CUX1: variants seen among roughly 807,000 people sequenced by gnomAD.
CUX1 encodes cut like homeobox 1.
A neutral mutation model predicts 158.8 loss-of-function variants in CUX1; 31 were observed. The ratio of observed to expected loss-of-function variants is 0.20; its 90% CI spans 0.15 to 0.26. CUX1 has a LOEUF of 0.26. Ranked by LOEUF, CUX1 falls within the 10% of genes least tolerant of loss-of-function variation. The pLI is 1.00. For missense variants in CUX1, 1,589 were observed against 2,014.6 expected (o/e 0.79, Z 4.04); for synonymous variants, 879 against 862.1 (o/e 1.02, Z -0.34).
chr7:101,972,080 C>T (rs1189453395), intron 2 of CUX1, among the ~76,000 whole-genome samples: 3 of 152,212 alleles, frequency 2.0e-5, no homozygotes, highest in East Asian at 3.8e-4. Flanking sequence ...CATTCTCCTG[C>T]CTCAGCCTCC....
chr7:102,105,391 C>T (rs949227749), intron 6 of CUX1, among the ~76,000 whole-genome samples: 6 of 151,410 alleles, frequency 4.0e-5, no homozygotes, highest in South Asian at 2.1e-4. Flanking sequence ...TTACCAAAAA[C>T]GTTTCCCACA....
chr7:102,192,204 C>A (rs1223831913), intron 12 of CUX1, among the ~76,000 whole-genome samples: 1 of 152,216 alleles, frequency 6.6e-6, no homozygotes, highest in Admixed American at 6.5e-5. Context: ...GATCCTCATG[C>A]ACTGCAGCAC....
At chr7:102,042,586 A>G (rs973100131) in intron 3 of CUX1, among the ~76,000 whole-genome samples, 1 of 152,052 alleles carries the variant, frequency 6.6e-6, no homozygotes, top group Non-Finnish European at 1.5e-5. Flanking sequence ...AGGCTCTGTT[A>G]TTGTTAAGAC....
At chr7:102,054,679 C>A (rs1283995220) in intron 3 of CUX1, among the ~76,000 whole-genome samples, 1 of 152,056 alleles carries the variant, frequency 6.6e-6, no homozygotes, top group Non-Finnish European at 1.5e-5. Context: ...GCAAAGAAGC[C>A]AGCTGGGTCT....
intron 2 of CUX1, among the ~76,000 whole-genome samples, chr7:101,928,125 A>G (rs1805831794): frequency 4.6e-5 from 7 of 152,156 alleles, no homozygotes; most frequent in Admixed American, 2.6e-4. Context: ...CTGTCATTAG[A>G]TTCATGTGCC....
intron 8 of CUX1, among the ~76,000 whole-genome samples, chr7:102,149,499 C>A (rs550748626): frequency 6.6e-6 from 1 of 151,456 alleles, no homozygotes; most frequent in East Asian, 1.9e-4. Flanking sequence ...AGCGCCACTA[C>A]GCCATTGCCC....
intron 4 of CUX1, among the ~76,000 whole-genome samples, chr7:102,076,454 G>A (rs1826741269): frequency 1.3e-5 from 2 of 152,066 alleles, no homozygotes; most frequent in South Asian, 2.1e-4. Context: ...GAACCCTCAT[G>A]GTCCTCATGT....
chr7:102,179,681 T>G (rs1792809534), intron 11 of CUX1, among the ~76,000 whole-genome samples: 1 of 152,196 alleles, frequency 6.6e-6, no homozygotes. Context: ...TTGAAGCAAG[T>G]GTAATTTGAA....
At chr7:101,855,680 C>T (rs1011882343) in intron 1 of CUX1, among the ~76,000 whole-genome samples, 1 of 150,486 alleles carries the variant, frequency 6.6e-6, no homozygotes, top group African/African-American at 2.4e-5. Flanking sequence ...GAATTCCAGA[C>T]CAGCCTGGCC....
intron 2 of CUX1, among the ~76,000 whole-genome samples, chr7:101,964,571 C>G (rs888684454): frequency 1.3e-5 from 2 of 152,100 alleles, no homozygotes; most frequent in Non-Finnish European, 2.9e-5. Context: ...TGCCGTCATT[C>G]TTTTTTGATC....
intron 2 of CUX1, among the ~76,000 whole-genome samples, chr7:101,926,669 C>T (rs2129106157): frequency 6.6e-6 from 1 of 152,316 alleles, no homozygotes. Context: ...TGTCCAGTCT[C>T]AGGCCAGGAG....
chr7:102,248,858 G>T lies in CUX1; in HGVS notation c.4334G>T (p.Ser1445Ile). Residue 1445 changes from serine to isoleucine, a missense_variant, in exon 24 of 24, where the codon AGC becomes ATC. Ser to Ile is a moderately radical substitution (Grantham distance 142, BLOSUM62 -2). Coordinates refer to ENST00000292535, the MANE Select transcript of CUX1 (RefSeq NM_181552.4). This position sits in a 1 kb window ranked among gnomAD's most constrained non-coding sequence, Gnocchi z 5.8. ...TCCGCGCCGCCGCCCAGCAACAGCAGCAGCAGCAGCGCCCCCCGCAGGCCC... is the reference window on the plus strand; with the variant it reads ...TCCGCGCCGCCGCCCAGCAACAGCATCAGCAGCAGCGCCCCCCGCAGGCCC... ...PSSAPPPSNSSSSSAPRRPSS... is the reference protein window; with the variant it reads ...PSSAPPPSNSISSSAPRRPSS... 7.8e-7 allele frequency: 1 copy of T among 1,282,792 alleles called. No homozygotes were observed. 79.5% of individuals were successfully genotyped at this position (1,282,792 alleles called of 1,614,324 possible). A position where few individuals can be genotyped will look rare whatever the true frequency, so the allele number is the denominator to read the frequency against.
At chr7:102,185,052 T>C (rs1276949225) in intron 11 of CUX1, among the ~76,000 whole-genome samples, 1 of 152,162 alleles carries the variant, frequency 6.6e-6, no homozygotes, top group African/African-American at 2.4e-5. Context: ...GCACATGTGC[T>C]CTTTCTCTGT....
intron 2 of CUX1, among the ~76,000 whole-genome samples, chr7:101,976,928 T>TTTTTTG (rs1812771324): frequency 2.1e-5 from 3 of 143,586 alleles, no homozygotes; most frequent in African/African-American, 7.9e-5. Flanking sequence ...TTTTTTTTTT[T>TTTTTTG]GGAGATGTAG....
intron 3 of CUX1, among the ~76,000 whole-genome samples, chr7:102,030,689 G>GTTTTTTTTTTT (rs1585341128): frequency 3.6e-5 from 3 of 82,544 alleles, no homozygotes; most frequent in African/African-American, 1.1e-4. Flanking sequence ...ATTTTAAAAA[G>GTTTTTTTTTTT]TGTTTTTTTT....
intron 3 of CUX1, among the ~76,000 whole-genome samples, chr7:102,034,144 T>TAAAAAA (rs1231592881): frequency 6.8e-4 from 2 of 2,948 alleles, no homozygotes; most frequent in African/African-American, 6.8e-3. Flanking sequence ...AGACTCCATC[T>TAAAAAA]CAAAAAAAAA....
chr7:102,247,743 C>T (rs1415602192), intron 23 of CUX1, among the ~76,000 whole-genome samples: 3 of 152,334 alleles, frequency 2.0e-5, no homozygotes, highest in Admixed American at 2.0e-4. Context: ...ATCACTCAAG[C>T]CCAGTAGTTG....
intron 3 of CUX1, among the ~76,000 whole-genome samples, chr7:102,028,843 A>G: frequency 6.6e-6 from 1 of 152,062 alleles, no homozygotes; most frequent in African/African-American, 2.4e-5. Flanking sequence ...CAGAAATTAT[A>G]TTATTCTTGC....
At chr7:101,994,189 T>C (rs760131703) in intron 2 of CUX1, among the ~76,000 whole-genome samples, 4 of 152,228 alleles carry the variant, frequency 2.6e-5, no homozygotes, top group Non-Finnish European at 5.9e-5. Context: ...GCTTCTGTCA[T>C]TCTCTCCCCA....
Sources: gnomAD v4.1 joint callset for allele counts (sites outside exome capture counted in the v4.1 genomes callset) on GRCh38, gnomAD v4.1.1 for gene constraint, Gnocchi (gnomAD v3.1) non-coding constraint, MANE v1.5 for transcripts, NCBI Gene and HGNC (gene_info 2026-07-23, HGNC 2026-07-21) for gene names.